Variants in ZNF273 observed in about 807,000 individuals in gnomAD.
ZNF273 encodes the protein zinc finger protein 9.
In ZNF273, 11 loss-of-function variants were observed where a neutral mutation model predicts 14.9. The ratio of observed to expected loss-of-function variants is 0.74; its 90% CI spans 0.46 to 1.22. The LOEUF is 1.22. Ranked by LOEUF, ZNF273 falls within the 50% of genes most tolerant of loss-of-function variation. The probability of loss-of-function intolerance (pLI) is 0.00; values close to 1 mark genes in which losing one functional copy is unlikely to be tolerated. For missense variants in ZNF273, 577 were observed against 660.6 expected, an observed-to-expected ratio of 0.87 and a Z score of 1.39; for synonymous variants, 199 against 223.9, an observed-to-expected ratio of 0.89 and a Z score of 0.99.
upstream of ZNF273, among the ~76,000 whole-genome samples, chr7:64,901,779 C>T (rs1371230579): frequency 6.7e-6 from 1 of 149,410 alleles, no homozygotes; most frequent in South Asian, 2.1e-4. Flanking sequence ...GGAGAAAGGC[C>T]GTCTCTACTA....
intron 3 of ZNF273, among the ~76,000 whole-genome samples, chr7:64,924,803 A>ATTT (rs34906700): frequency 1.4e-5 from 2 of 145,102 alleles, no homozygotes. Flanking sequence ...GATTTTTCAA[A>ATTT]TTTTTTTTTT....
intron 3 of ZNF273, among the ~76,000 whole-genome samples, chr7:64,925,239 A>C (rs533455444): frequency 6.6e-6 from 1 of 151,856 alleles, no homozygotes; most frequent in South Asian, 2.1e-4. Context: ...TGATTCTTGT[A>C]TCTTTGTCTC....
chr7:64,936,908 G>T, the ZNF273 span, among the ~76,000 whole-genome samples: 45 of 152,194 alleles, frequency 3.0e-4, no homozygotes, highest in African/African-American at 9.7e-4. Flanking sequence ...GACAGAAATT[G>T]AATACTTGTA....
intron 1 of ZNF273, among the ~76,000 whole-genome samples, chr7:64,912,826 G>GTTTTGTTTTTTGTTTTTTTTTTTT (rs746174998): frequency 2.7e-4 from 10 of 36,568 alleles, no homozygotes; most frequent in South Asian, 1.3e-3. Flanking sequence ...ATTCATTTTA[G>GTTTTGTTTTTTGTTTTTTTTTTTT]TTTTTTTTTT....
chr7:64,890,221 T>TGTGTGTGTGTGTGTGA, downstream of ZNF273: 10 of 64,104 alleles, frequency 1.6e-4, no homozygotes, highest in East Asian at 1.2e-3. Context: ...TGTGTGTGTG[T>TGTGTGTGTGTGTGTGA]GAGAGAGAGA....
At chr7:64,936,454 A>C in the ZNF273 span, among the ~76,000 whole-genome samples, 1 of 152,318 alleles carries the variant, frequency 6.6e-6, no homozygotes, top group East Asian at 1.9e-4. Context: ...GAATACTGGG[A>C]ACTGAGAATT....
chr7:64,882,492 C>A (rs76636144), downstream of ZNF273: 2 of 152,422 alleles, frequency 1.3e-5, no homozygotes, highest in African/African-American at 4.8e-5. Flanking sequence ...CTCACGAATG[C>A]GCATGTGCCA....
intron 3 of ZNF273, among the ~76,000 whole-genome samples, chr7:64,926,398 C>CT (rs1562965161): frequency 6.6e-6 from 1 of 151,810 alleles, no homozygotes; most frequent in African/African-American, 2.4e-5. Context: ...TCAGATTTTC[C>CT]TACTTTTAAA....
chr7:64,929,137 T>C lies in ZNF273; in HGVS notation c.*99T>C. ...AAAACTCCCAGAAGTGGAGTTTTCC[T>C]TATTGCACAGGAAAGCATTTATACT... On this transcript the variant is annotated 3_prime_UTR_variant, in exon 4 of 4. Coordinates refer to ENST00000476120, the MANE Select transcript of ZNF273 (RefSeq NM_021148.3). 1.0e-6 allele frequency: 1 copy of C among 992,648 alleles called. No individual in the cohort carries two copies. Among genetic ancestry groups the C allele is most frequent in the Non-Finnish European group, 1.4e-6 (1 of 722,594 alleles). The allele number at this position is 992,648 out of a possible 1,614,324, so 61.5% of individuals were successfully genotyped here.
chr7:64,902,304 T>C (rs1014389752), upstream of ZNF273, among the ~76,000 whole-genome samples: 2 of 152,070 alleles, frequency 1.3e-5, no homozygotes, highest in Non-Finnish European at 1.5e-5. Context: ...TCAGGCTGCC[T>C]GCTTAAAGGA....
Position 64,929,533 on chromosome 7 carries a change from C to A in ZNF273, c.*495C>A, listed in dbSNP as rs1190226054. 1 of 152,156 alleles carries A rather than the reference C, an allele frequency of 6.6e-6. No homozygotes were observed. Among genetic ancestry groups the A allele is most frequent in the Non-Finnish European group, 1.5e-5 (1 of 68,066 alleles). 9.4% of individuals were successfully genotyped at this position (152,156 alleles called of 1,614,324 possible). On this transcript the variant is annotated 3_prime_UTR_variant, in exon 4 of 4. Coordinates refer to ENST00000476120, the MANE Select transcript of ZNF273 (RefSeq NM_021148.3). ...AGCTTAGAAAACATGGGAGGAATTA[C>A]ACTAAAATATATTTTTGCAAATGCA... is the stretch of plus-strand genomic sequence containing the variant.
At chr7:64,901,693 G>T (rs1792724155), upstream of ZNF273, among the ~76,000 whole-genome samples, 3 of 152,176 alleles carry the variant, frequency 2.0e-5, no homozygotes, top group Admixed American at 2.0e-4. Context: ...AAAAGCACTT[G>T]TAATCCCAGC....
At chr7:64,923,412 G>A (rs1227746478) in intron 3 of ZNF273, 3 of 453,542 alleles carry the variant, frequency 6.6e-6, no homozygotes, top group Non-Finnish European at 1.3e-5. Context: ...GTGATCTTGG[G>A]TTACTGCAAC....
chr7:64,932,270 C>T (rs1275985213), downstream of ZNF273, among the ~76,000 whole-genome samples: 1 of 150,306 alleles, frequency 6.7e-6, no homozygotes, highest in Non-Finnish European at 1.5e-5. Flanking sequence ...CAAAGTGTGG[C>T]AAATATAAAA....
chr7:64,933,811 T>A (rs890676893), downstream of ZNF273, among the ~76,000 whole-genome samples: 1 of 152,210 alleles, frequency 6.6e-6, no homozygotes, highest in Non-Finnish European at 1.5e-5. Context: ...TTGAAGTATA[T>A]ATACAATGTC....
At chr7:64,925,555 A>G (rs1794730264) in intron 3 of ZNF273, among the ~76,000 whole-genome samples, 4 of 152,020 alleles carry the variant, frequency 2.6e-5, no homozygotes, top group Non-Finnish European at 5.9e-5. Context: ...CTCCTGCCTC[A>G]GCCTCCTGAG....
intron 1 of ZNF273, among the ~76,000 whole-genome samples, chr7:64,915,787 A>G (rs1004216353): frequency 6.6e-6 from 1 of 152,252 alleles, no homozygotes. Flanking sequence ...AATATGGAGA[A>G]CATGTAATGT....
chr7:64,878,175 G>C (rs1791164248), intron 1 of ZNF273, among the ~76,000 whole-genome samples: 1 of 151,888 alleles, frequency 6.6e-6, no homozygotes, highest in Non-Finnish European at 1.5e-5. Flanking sequence ...GCTGCGGGGC[G>C]GCGTGTTTGT....
chr7:64,903,463 G>T (rs1792875708), intron 1 of ZNF273, 44 bp downstream of exon 1: 3 of 1,553,040 alleles, frequency 1.9e-6, no homozygotes, highest in Non-Finnish European at 1.8e-6. Flanking sequence ...GGGAGGGCCT[G>T]GTTGGAACTG....
Sources: allele counts gnomAD v4.1 joint callset (sites outside exome capture counted in the v4.1 genomes callset), GRCh38; gene constraint gnomAD v4.1.1; transcripts MANE v1.5; gene names NCBI Gene and HGNC (gene_info 2026-07-23, HGNC 2026-07-21).